FBXO25: variants seen among roughly 807,000 people sequenced by gnomAD.
FBXO25 encodes F-box protein 25.
Under a neutral mutation model 51.9 loss-of-function variants are expected in FBXO25, and 45 were observed. That is an observed-to-expected ratio of 0.87 (90% confidence interval 0.68 to 1.11). The LOEUF (loss-of-function observed/expected upper bound fraction) is 1.11, where lower values mean the gene tolerates loss of function less well. Among genes scored for constraint, FBXO25 ranks in the 50% most tolerant of loss-of-function variants. The probability of loss-of-function intolerance (pLI) is 0.00; values close to 1 mark genes in which losing one functional copy is unlikely to be tolerated. For synonymous variants in FBXO25, 199 were observed against 151.0 expected (o/e 1.32, Z -2.33); for missense variants, 507 against 428.5 (o/e 1.18, Z -1.62).
In FBXO25 at chr8:468,870, T is replaced by C. The variant is rs1485051586; in HGVS notation, c.*66T>C. 2.0e-6 allele frequency: 3 copies of C among 1,493,486 alleles called. No homozygotes were observed. Among genetic ancestry groups the C allele is most frequent in the Non-Finnish European group, 2.8e-6 (3 of 1,090,904 alleles). 92.5% of individuals were successfully genotyped at this position (1,493,486 alleles called of 1,614,324 possible). On this transcript the variant is annotated 3_prime_UTR_variant, in exon 10 of 10. Coordinates refer to ENST00000350302, the MANE Select transcript of FBXO25 (RefSeq NM_183420.2). ...CTGTCTGTGCAGGGCTCATAGTGAG[T>C]GTTCTGTGAGGTGGGTGGAGACTCC...
At chr8:421,465 T>G (rs1797150972) in intron 2 of FBXO25, among the ~76,000 whole-genome samples, 1 of 152,206 alleles carries the variant, frequency 6.6e-6, no homozygotes, top group Non-Finnish European at 1.5e-5. Context: ...GTGCACTTGT[T>G]TCTCATAGGG....
chr8:426,170 A>G (rs1000437372), intron 2 of FBXO25, among the ~76,000 whole-genome samples: 30 of 152,278 alleles, frequency 2.0e-4, no homozygotes, highest in Admixed American at 1.4e-3. Context: ...TCACCTTTGC[A>G]TCTGCCTCTA....
rs777402645 is a variant in FBXO25 at position 413,177 on chromosome 8, A to G, written c.98A>G (p.Glu33Gly). 14 of 1,609,506 alleles carry G rather than the reference A, an allele frequency of 8.7e-6. No individual in the cohort carries two copies. The South Asian group carries it at 1.4e-4, about 17-fold the overall frequency. The stretch of plus-strand genomic sequence containing the variant: ...TGTGAATCTTGTAGTCAGAAACTTG[A>G]AAGAGAGAATAACCGTTGTAACATC... ...KRCESCSQKLERENNRCNISH... is the reference protein window; with the variant it reads ...KRCESCSQKLGRENNRCNISH... The change falls in exon 2 of 10, where the codon GAA (glutamate) becomes GGA (glycine). Residue 33 changes from glutamate to glycine, a missense_variant. Glu to Gly is a moderately conservative substitution (Grantham distance 98). Transcript: ENST00000350302.
Position 462,992 on chromosome 8 carries a change from GT to G in FBXO25, c.844-11del. 6.3e-7 allele frequency: 1 copy of G among 1,597,728 alleles called. No homozygotes were observed. Among genetic ancestry groups the G allele is most frequent in the Non-Finnish European group, 8.5e-7 (1 of 1,174,282 alleles). On this transcript the variant is annotated splice_polypyrimidine_tract_variant and intron_variant, in intron 8 of 9. Transcript: ENST00000350302. ...TCATCTTATGCGGATTCTGAATGGA[GT>G]TTTGTTTGTTTAGTTTTGTAGACAT... is the stretch of plus-strand genomic sequence containing the variant.
chr8:409,939 C>T (rs991369855), intron 1 of FBXO25, among the ~76,000 whole-genome samples: 3 of 152,148 alleles, frequency 2.0e-5, no homozygotes, highest in African/African-American at 4.8e-5. Flanking sequence ...GATAAACTTT[C>T]TCCATTTTAT....
Position 436,523 on chromosome 8 carries a change from A to G in FBXO25, c.381+816A>G, listed in dbSNP as rs184656155. 7.7e-4 allele frequency among the ~76,000 whole-genome samples: 117 copies of G among 152,348 alleles called. 2 individuals carry two copies. Among genetic ancestry groups the G allele is most frequent in the Non-Finnish European group, 3.1e-4 (21 of 68,032 alleles). On this transcript the variant is annotated intron_variant, in intron 5 of 9. Coordinates refer to ENST00000350302, the MANE Select transcript of FBXO25 (RefSeq NM_183420.2). ...CTGAGCAGAATTTCCAGGGCTGCTT[A>G]TGTAACTACTACTTACAACTCCTGT...
intron 1 of FBXO25, among the ~76,000 whole-genome samples, chr8:409,352 C>T (rs1462646524): frequency 6.6e-6 from 1 of 152,124 alleles, no homozygotes; most frequent in Admixed American, 6.5e-5. Flanking sequence ...GAAAATAAGC[C>T]TTTGGGCATG....
chr8:474,143 T>G lies in FBXO25; in HGVS notation c.*5339T>G, dbSNP rs1019556785. 2 of 154,626 alleles carry G rather than the reference T, an allele frequency of 1.3e-5. No homozygotes were observed. Among genetic ancestry groups the G allele is most frequent in the African/African-American group, 4.8e-5 (2 of 41,498 alleles). The allele number at this position is 154,626 out of a possible 1,614,324, so 9.6% of individuals were successfully genotyped here. ...CCATCCACCAGCCCCTGGCAGCCTCTGTTCTCCTTTGTCTCTTTTAATTTG... is the reference window on the plus strand; with the variant it reads ...CCATCCACCAGCCCCTGGCAGCCTCGGTTCTCCTTTGTCTCTTTTAATTTG... On this transcript the variant is annotated 3_prime_UTR_variant, in exon 10 of 10. Coordinates refer to ENST00000350302, the MANE Select transcript of FBXO25 (RefSeq NM_183420.2).
chr8:433,249 G>T (rs1023395082), intron 4 of FBXO25, among the ~76,000 whole-genome samples: 2 of 151,956 alleles, frequency 1.3e-5, no homozygotes, highest in Non-Finnish European at 2.9e-5. Flanking sequence ...TGCAGATACT[G>T]GTGTGTGGGA....
chr8:444,758 C>T (rs913008353), intron 5 of FBXO25, among the ~76,000 whole-genome samples: 2 of 152,048 alleles, frequency 1.3e-5, no homozygotes, highest in African/African-American at 4.8e-5. Context: ...TGTACCTTTC[C>T]TATGTTTAGA....
chr8:428,383 T>G (rs1387144400), intron 2 of FBXO25, among the ~76,000 whole-genome samples: 1 of 152,154 alleles, frequency 6.6e-6, no homozygotes, highest in Admixed American at 6.6e-5. Context: ...TGCCCTGTAT[T>G]TTCCGCTTGT....
At chr8:413,406 CTTTT>C (rs879340184) in intron 2 of FBXO25, among the ~76,000 whole-genome samples, 193 bp downstream of exon 2, 1 of 146,272 alleles carries the variant, frequency 6.8e-6, no homozygotes, top group African/African-American at 2.5e-5. Context: ...ATGCTTTCGT[CTTTT>C]TTTTTTTAAT....
At chr8:451,703 A>G (rs1431831239) in intron 7 of FBXO25, among the ~76,000 whole-genome samples, 4 of 152,232 alleles carry the variant, frequency 2.6e-5, no homozygotes, top group African/African-American at 9.6e-5. Context: ...ATGTAAATAA[A>G]TTTACCTTCA....
At chr8:454,698 T>C (rs1457667045) in intron 7 of FBXO25, among the ~76,000 whole-genome samples, 1 of 152,076 alleles carries the variant, frequency 6.6e-6, no homozygotes, top group African/African-American at 2.4e-5. Context: ...GAGACCATGC[T>C]GGCTAACACG....
chr8:428,515 C>G (rs1027201683), intron 2 of FBXO25, among the ~76,000 whole-genome samples: 10 of 151,738 alleles, frequency 6.6e-5, no homozygotes, highest in African/African-American at 2.4e-4. Flanking sequence ...TGCACACTGT[C>G]TCTTTATCTT....
chr8:437,848 TGA>T (rs1798194454), intron 5 of FBXO25, among the ~76,000 whole-genome samples: 1 of 152,082 alleles, frequency 6.6e-6, no homozygotes, highest in Middle Eastern at 3.2e-3. Flanking sequence ...CTACAACAAC[TGA>T]GAGGATTGTC....
rs374286284 is a variant in FBXO25, at chr8:462,988, T to C, written c.844-19T>C. 2.5e-6 allele frequency: 4 copies of C among 1,593,144 alleles called. No individual in the cohort carries two copies. Among genetic ancestry groups the C allele is most frequent in the Admixed American group, 1.9e-5 (1 of 53,980 alleles). On this transcript the variant is annotated intron_variant, in intron 8 of 9. Coordinates refer to ENST00000350302, the MANE Select transcript of FBXO25 (RefSeq NM_183420.2). ...AAAGTCATCTTATGCGGATTCTGAATGGAGTTTTGTTTGTTTAGTTTTGTA... is the reference window on the plus strand; with the variant it reads ...AAAGTCATCTTATGCGGATTCTGAACGGAGTTTTGTTTGTTTAGTTTTGTA...
intron 8 of FBXO25, among the ~76,000 whole-genome samples, chr8:459,194 G>A (rs1799648956): frequency 1.3e-5 from 2 of 152,238 alleles, no homozygotes; most frequent in Admixed American, 1.3e-4. Flanking sequence ...GCACAGGGCT[G>A]GTCGCAGCCA....
intron 5 of FBXO25, 83 bp from the exon 6 acceptor site, chr8:449,907 A>G (rs1798972145): frequency 1.1e-6 from 1 of 903,400 alleles, no homozygotes; most frequent in Admixed American, 2.2e-5. Flanking sequence ...AGAAATCTTC[A>G]TGCATGTGTG....
Sources: allele counts gnomAD v4.1 joint callset (sites outside exome capture counted in the v4.1 genomes callset), GRCh38; gene constraint gnomAD v4.1.1; transcripts MANE v1.5; gene names NCBI Gene and HGNC (gene_info 2026-07-23, HGNC 2026-07-21).